Variants in RGMA observed in about 807,000 individuals in gnomAD.
RGMA encodes the protein repulsive guidance molecule A.
RGMA carries 10 observed loss-of-function variants against 23.2 expected under a neutral mutation model. The ratio of observed to expected loss-of-function variants is 0.43; its 90% CI spans 0.27 to 0.73. RGMA has a LOEUF of 0.73. Ranked by LOEUF, RGMA falls within the 30% of genes least tolerant of loss-of-function variation. The probability of loss-of-function intolerance (pLI) is 0.20; values close to 1 mark genes in which losing one functional copy is unlikely to be tolerated. For missense variants in RGMA, 547 were observed against 630.5 expected (o/e 0.87, Z 1.42); for synonymous variants, 308 against 279.3 (o/e 1.10, Z -1.03).
intron 2 of RGMA, among the ~76,000 whole-genome samples, chr15:93,068,561 A>C (rs1295607018): frequency 6.6e-6 from 1 of 152,198 alleles, no homozygotes; most frequent in African/African-American, 2.4e-5. Flanking sequence ...ACAAGACTAG[A>C]GATCCTTTCC....
At chr15:93,073,234 C>A in intron 1 of RGMA, 2 of 1,118,248 alleles carry the variant, frequency 1.8e-6, no homozygotes, top group Non-Finnish European at 2.2e-6. Context: ...GTCGACGCGG[C>A]CCCGCGCCCC....
chr15:93,072,804 G>T, intron 2 of RGMA, 112 bp downstream of exon 2: 1 of 1,157,916 alleles, frequency 8.6e-7, no homozygotes, highest in Non-Finnish European at 1.2e-6. Context: ...AGGAGGCGGG[G>T]TCCGGAGGAG....
At chr15:93,083,056 C>G (rs923468716) in intron 1 of RGMA, among the ~76,000 whole-genome samples, 4 of 152,230 alleles carry the variant, frequency 2.6e-5, no homozygotes, top group South Asian at 2.1e-4. Flanking sequence ...CTCTTGTTGA[C>G]TCCCGGCCGA....
chr15:93,086,407 G>A (rs1269457580), intron 1 of RGMA, among the ~76,000 whole-genome samples: 1 of 152,294 alleles, frequency 6.6e-6, no homozygotes, highest in East Asian at 1.9e-4. Context: ...TTGATGGATC[G>A]GTGACCGTGC....
chr15:93,045,016 C>G lies in RGMA; in HGVS notation c.1335G>C (p.Leu445=). 6.3e-7 allele frequency: 1 copy of G among 1,599,886 alleles called. No individual in the cohort carries two copies. The highest frequency in any genetic ancestry group is 1.1e-5 in the South Asian group (1 of 89,256). The part of the protein sequence containing the change: ...LLGALVPLLA[L]LPVFC ...TACGCGTCTAGCAGAACACAGGGAG[C>G]AGGGCCAGGAGCGGGACGAGGGCGC... The change falls in exon 4 of 4, where the codon CTG becomes CTC. Residue 445 remains leucine, a synonymous_variant. Transcript: ENST00000329082. This position sits in a 1 kb window ranked among gnomAD's most constrained non-coding sequence, Gnocchi z 6.9.
At chr15:93,087,584 C>A (rs941525794) in intron 1 of RGMA, among the ~76,000 whole-genome samples, 7 of 151,666 alleles carry the variant, frequency 4.6e-5, no homozygotes, top group African/African-American at 1.7e-4. Context: ...CACAGTTACT[C>A]TCTTTTCTAG....
At chr15:93,058,407 G>A (rs1349759591) in intron 2 of RGMA, among the ~76,000 whole-genome samples, 1 of 152,240 alleles carries the variant, frequency 6.6e-6, no homozygotes, top group African/African-American at 2.4e-5. Flanking sequence ...GGGTGTTAAA[G>A]GGACTGCAGG....
rs748319789 is a variant in RGMA, at chr15:93,040,562, A to G, written c.*4436T>C. The G allele has an allele frequency of 2.0e-5, 3 of 151,870 alleles. No homozygotes were observed. The highest frequency in any genetic ancestry group is 4.4e-5 in the Non-Finnish European group (3 of 68,044). The allele number at this position is 151,870 out of a possible 1,614,324, so 9.4% of individuals were successfully genotyped here. On this transcript the variant is annotated 3_prime_UTR_variant, in exon 4 of 4. Transcript: ENST00000329082. ...CTCCCCTTAACCCCACCACAGATGA[A>G]TGCCCCTTCTCACCCTCCTGCAATC...
chr15:93,048,208 G>C (rs925651500), intron 3 of RGMA, among the ~76,000 whole-genome samples: 1 of 152,180 alleles, frequency 6.6e-6, no homozygotes, highest in Non-Finnish European at 1.5e-5. Flanking sequence ...ATTGGCATAA[G>C]ATTTCGGGAT....
At chr15:93,066,696 A>G (rs1895167918) in intron 2 of RGMA, 2 of 374,836 alleles carry the variant, frequency 5.3e-6, no homozygotes, top group East Asian at 9.0e-5. Flanking sequence ...CCGGTTTTTT[A>G]TATTTTTGGT....
chr15:93,063,680 TCCTC>T (rs968602563), intron 2 of RGMA, among the ~76,000 whole-genome samples: 2 of 152,174 alleles, frequency 1.3e-5, no homozygotes, highest in African/African-American at 4.8e-5. Context: ...TAAAATGCAT[TCCTC>T]CCTGAGTCTA....
chr15:93,045,115 G>T lies in RGMA; in HGVS notation c.1236C>A (p.His412Gln). The change falls in exon 4 of 4, where the codon CAC becomes CAA. Residue 412 changes from histidine to glutamine, a missense_variant. His to Gln is a conservative substitution (Grantham distance 24). Coordinates refer to ENST00000329082, the MANE Select transcript of RGMA (RefSeq NM_020211.3). This position sits in a 1 kb window ranked among gnomAD's most constrained non-coding sequence, Gnocchi z 6.9. The part of the protein sequence containing the change: ...KMLHSNKDKL[H>Q]LYERTRDLPG... ...GCAGGTCCCGAGTCCTCTCATACAG[G>T]TGCAGTTTGTCTTTGTTGGAGTGGA... The T allele has an allele frequency of 6.3e-7, 1 of 1,592,622 alleles. No homozygotes were observed. The highest frequency in any genetic ancestry group is 8.5e-7 in the Non-Finnish European group (1 of 1,169,646).
intron 3 of RGMA, among the ~76,000 whole-genome samples, chr15:93,051,792 C>T (rs543735365): frequency 6.6e-6 from 1 of 152,344 alleles, no homozygotes; most frequent in African/African-American, 2.4e-5. Context: ...GCTATGCCTG[C>T]CAGGCCGGGC....
chr15:93,049,970 T>C (rs1442636345), intron 3 of RGMA, among the ~76,000 whole-genome samples: 2 of 152,210 alleles, frequency 1.3e-5, no homozygotes, highest in Non-Finnish European at 2.9e-5. Context: ...CCCTGCTCCC[T>C]GCAGACACCA....
intron 2 of RGMA, chr15:93,066,407 C>T (rs1426562385): frequency 9.8e-6 from 6 of 610,270 alleles, no homozygotes; most frequent in Admixed American, 6.1e-5. Context: ...AAACGGGGGG[C>T]GGGGGTTTCC....
intron 2 of RGMA, among the ~76,000 whole-genome samples, chr15:93,056,929 C>T (rs11634329): frequency 0.28 from 42,159 of 152,078 alleles, 6,932 homozygotes; most frequent in African/African-American, 0.45. Flanking sequence ...CTTGCAGCCC[C>T]GGGAGGTCAG....
intron 2 of RGMA, among the ~76,000 whole-genome samples, chr15:93,060,220 TG>T (rs2055080496): frequency 1.3e-5 from 2 of 152,226 alleles, no homozygotes; most frequent in Admixed American, 1.3e-4. Context: ...TCCGGCCCCT[TG>T]GTAAGCCTTG....
chr15:93,066,594 C>G (rs1030413650), intron 2 of RGMA: 10 of 459,976 alleles, frequency 2.2e-5, no homozygotes, highest in South Asian at 1.3e-4. Flanking sequence ...CGCTACCACC[C>G]CGGGCATCGT....
chr15:93,073,978 T>C (rs1259032458), intron 1 of RGMA: 118 of 1,420,072 alleles, frequency 8.3e-5, no homozygotes, highest in Non-Finnish European at 1.0e-4. Flanking sequence ...TTGGGAGGGC[T>C]TCAGTATGGT....
Sources: gnomAD v4.1 joint callset for allele counts (sites outside exome capture counted in the v4.1 genomes callset) on GRCh38, gnomAD v4.1.1 for gene constraint, Gnocchi (gnomAD v3.1) non-coding constraint, MANE v1.5 for transcripts, NCBI Gene and HGNC (gene_info 2026-07-23, HGNC 2026-07-21) for gene names.